The following ST8SIA5 variants were observed in gnomAD, a reference collection of about 807,000 sequenced individuals.
The protein encoded by ST8SIA5 is alpha-2,8-sialyltransferase 8E.
ST8SIA5 carries 24 observed loss-of-function variants against 40.2 expected under a neutral mutation model. The observed-to-expected ratio is 0.60, with a 90% CI of 0.43 to 0.84. ST8SIA5 has a LOEUF of 0.84. ST8SIA5 is among the 40% of genes least tolerant of loss of function. ST8SIA5 has a pLI of 0.00. For synonymous variants in ST8SIA5, 198 were observed against 201.8 expected (o/e 0.98, Z 0.16); for missense variants, 465 against 498.5 (o/e 0.93, Z 0.64).
chr18:46,740,547 C>A (rs1352602421), intron 1 of ST8SIA5, among the ~76,000 whole-genome samples: 1 of 151,970 alleles, frequency 6.6e-6, no homozygotes, highest in Non-Finnish European at 1.5e-5. Context: ...GATTCAATAT[C>A]ATAAATATCA....
intron 1 of ST8SIA5, among the ~76,000 whole-genome samples, chr18:46,723,469 T>C (rs985712795): frequency 2.6e-5 from 4 of 152,036 alleles, no homozygotes; most frequent in African/African-American, 9.7e-5. Flanking sequence ...GGAGAATCCC[T>C]TGATCCTGGG....
intron 6 of ST8SIA5, 99 bp downstream of exon 6, chr18:46,681,873 G>A: frequency 8.0e-7 from 1 of 1,243,492 alleles, no homozygotes; most frequent in African/African-American, 1.5e-5. Flanking sequence ...CTCACAGCCA[G>A]CACACCTCCA....
chr18:46,694,523 T>C (rs12606073), intron 2 of ST8SIA5, among the ~76,000 whole-genome samples: 40,679 of 152,092 alleles, frequency 0.27, 5,532 homozygotes, highest in East Asian at 0.37. Context: ...CCAGGCATTC[T>C]GTAGCTGTTT....
intron 1 of ST8SIA5, among the ~76,000 whole-genome samples, chr18:46,737,862 C>T (rs1427664707): frequency 6.6e-6 from 1 of 151,998 alleles, no homozygotes; most frequent in Non-Finnish European, 1.5e-5. Flanking sequence ...CCTCTACCTC[C>T]CAGGTTCAAG....
chr18:46,704,769 A>G, intron 1 of ST8SIA5, 105 bp from the exon 2 acceptor site: 4 of 940,102 alleles, frequency 4.3e-6, no homozygotes, highest in African/African-American at 1.6e-5. Context: ...TGAAATAAAT[A>G]AAGCCAACCA....
intron 1 of ST8SIA5, among the ~76,000 whole-genome samples, chr18:46,721,135 G>A (rs1391021313): frequency 6.6e-6 from 1 of 152,122 alleles, no homozygotes; most frequent in Admixed American, 6.5e-5. Flanking sequence ...TGATAGAAGG[G>A]GCCAGTGAAT....
At chr18:46,744,782 G>A (rs1166838703) in intron 1 of ST8SIA5, among the ~76,000 whole-genome samples, 18 of 151,984 alleles carry the variant, frequency 1.2e-4, no homozygotes, top group Non-Finnish European at 1.6e-4. Flanking sequence ...GCACCACATC[G>A]CACTTATTCT....
intron 1 of ST8SIA5, among the ~76,000 whole-genome samples, chr18:46,752,628 A>G (rs1343865474): frequency 6.6e-6 from 1 of 152,154 alleles, no homozygotes; most frequent in East Asian, 1.9e-4. Flanking sequence ...GGTCCTCCCA[A>G]AAGCTCTGGT....
At chr18:46,713,548 G>A (rs2039754965) in intron 1 of ST8SIA5, among the ~76,000 whole-genome samples, 1 of 152,050 alleles carries the variant, frequency 6.6e-6, no homozygotes, top group African/African-American at 2.4e-5. Context: ...GAAGAAAGAG[G>A]GCCAAGGACA....
intron 1 of ST8SIA5, among the ~76,000 whole-genome samples, chr18:46,707,609 G>A (rs1198283509): frequency 6.6e-6 from 1 of 152,180 alleles, no homozygotes; most frequent in East Asian, 1.9e-4. Flanking sequence ...TTTCAGAACT[G>A]GGTTCACATC....
At chr18:46,736,207 A>G (rs933847750) in intron 1 of ST8SIA5, among the ~76,000 whole-genome samples, 3 of 152,184 alleles carry the variant, frequency 2.0e-5, no homozygotes, top group African/African-American at 7.2e-5. Flanking sequence ...ATATGTACAG[A>G]CAGCATGTCT....
At chr18:46,737,234 CCT>C (rs1307337842) in intron 1 of ST8SIA5, among the ~76,000 whole-genome samples, 3 of 152,168 alleles carry the variant, frequency 2.0e-5, no homozygotes, top group Non-Finnish European at 4.4e-5. Context: ...TTCTTCAAAG[CCT>C]CTGTCAGGTC....
In ST8SIA5 at chr18:46,668,869, T is replaced by A. The variant is rs2039291727; in HGVS notation, c.*11173A>T. 1 of 152,310 alleles carries A rather than the reference T, an allele frequency of 6.6e-6. No homozygotes were observed. Among genetic ancestry groups the A allele is most frequent in the Non-Finnish European group, 1.5e-5 (1 of 68,112 alleles). The allele number at this position is 152,310 out of a possible 1,614,324, so 9.4% of individuals were successfully genotyped here. ...CCCACTGGAGAAGAGTACAGGACGA[T>A]GGGCTCGGGAGTCCGGGGTAGTCTG... On this transcript the variant is annotated 3_prime_UTR_variant, in exon 7 of 7. Transcript: ENST00000315087.
intron 1 of ST8SIA5, among the ~76,000 whole-genome samples, chr18:46,749,360 T>A (rs1483845723): frequency 6.6e-6 from 1 of 152,176 alleles, no homozygotes; most frequent in African/African-American, 2.4e-5. Flanking sequence ...GTGGGTGAAT[T>A]TTATTTCAAT....
intron 1 of ST8SIA5, among the ~76,000 whole-genome samples, chr18:46,739,697 T>C (rs2040069961): frequency 6.6e-6 from 1 of 152,140 alleles, no homozygotes; most frequent in Non-Finnish European, 1.5e-5. Context: ...CTGGGGCAGG[T>C]GCTGTGACAT....
chr18:46,713,587 G>C (rs2039755424), intron 1 of ST8SIA5, among the ~76,000 whole-genome samples: 1 of 152,146 alleles, frequency 6.6e-6, no homozygotes, highest in African/African-American at 2.4e-5. Context: ...ACATTCAGAT[G>C]GCAGCAAATG....
At chr18:46,734,567 C>A (rs929495770) in intron 1 of ST8SIA5, among the ~76,000 whole-genome samples, 3 of 152,136 alleles carry the variant, frequency 2.0e-5, no homozygotes, top group African/African-American at 7.2e-5. Flanking sequence ...TGAGCCTCTG[C>A]AGAGGAGAGG....
At chr18:46,728,437 G>A (rs1390132060) in intron 1 of ST8SIA5, among the ~76,000 whole-genome samples, 1 of 152,236 alleles carries the variant, frequency 6.6e-6, no homozygotes, top group Non-Finnish European at 1.5e-5. Context: ...CTGGGGCCAA[G>A]CATCCGCGAG....
intron 1 of ST8SIA5, among the ~76,000 whole-genome samples, chr18:46,718,261 C>T (rs761928716): frequency 2.1e-4 from 30 of 145,216 alleles, no homozygotes; most frequent in Admixed American, 1.7e-3. Flanking sequence ...ACCCGGGAGG[C>T]GAAGGTTGCA....
Sources: gnomAD v4.1 joint callset for allele counts (sites outside exome capture counted in the v4.1 genomes callset) on GRCh38, gnomAD v4.1.1 for gene constraint, MANE v1.5 for transcripts, NCBI Gene and HGNC (gene_info 2026-07-23, HGNC 2026-07-21) for gene names.